Variants in AP2A2 observed in about 807,000 individuals in gnomAD.
The protein encoded by AP2A2 is adaptor related protein complex 2 subunit alpha 2.
In AP2A2, 32 loss-of-function variants were observed where a neutral mutation model predicts 104.2. That is an observed-to-expected ratio of 0.31 (90% CI 0.23 to 0.41). AP2A2 has a LOEUF of 0.41. Among genes scored for constraint, AP2A2 ranks in the 10% least tolerant of loss-of-function variants. The pLI, the probability that AP2A2 is intolerant of heterozygous loss-of-function variation, is 1.00. For missense variants in AP2A2, 912 were observed against 1,261.0 expected (o/e 0.72, Z 4.19); for synonymous variants, 539 against 533.3 (o/e 1.01, Z -0.15).
chr11:928,227 G>A (rs1853180156), intron 1 of AP2A2, among the ~76,000 whole-genome samples: 1 of 152,196 alleles, frequency 6.6e-6, no homozygotes, highest in African/African-American at 2.4e-5. Flanking sequence ...AAATAGGTGA[G>A]CATAGTACAA....
At position 992,295 on chromosome 11, in the gene AP2A2, C is replaced by T. The variant is rs535153905; in HGVS notation, c.1270-208C>T. Among the ~76,000 whole-genome samples the T allele has an allele frequency of 1.3e-5, 2 of 152,224 alleles. No homozygotes were observed. Reference sequence around the variant, plus strand: ...TCTGTGCACTGGTCTCCGCCTCTTCCTGGCTTTCTTTGCTTAAGTCAGGGC... The same window carrying T: ...TCTGTGCACTGGTCTCCGCCTCTTCTTGGCTTTCTTTGCTTAAGTCAGGGC... On this transcript the variant is annotated intron_variant, in intron 10 of 21. Transcript: ENST00000448903. This position sits in a 1 kb window ranked among gnomAD's most constrained non-coding sequence, Gnocchi z 6.4.
chr11:998,250 T>C (rs1374614404), intron 14 of AP2A2, among the ~76,000 whole-genome samples: 1 of 152,052 alleles, frequency 6.6e-6, no homozygotes, highest in Non-Finnish European at 1.5e-5. Context: ...CTTGCAGAGG[T>C]GCTCCGTCAC....
intron 2 of AP2A2, among the ~76,000 whole-genome samples, chr11:963,721 C>G (rs1358228018): frequency 6.6e-6 from 1 of 152,218 alleles, no homozygotes; most frequent in Non-Finnish European, 1.5e-5. Context: ...CCCCCGGGCT[C>G]AAGCCATCCT....
intron 5 of AP2A2, among the ~76,000 whole-genome samples, chr11:979,072 C>G (rs988555311): frequency 6.6e-6 from 1 of 152,052 alleles, no homozygotes; most frequent in African/African-American, 2.4e-5. Context: ...TGAGGAGACA[C>G]GGAGGTCGCT....
chr11:976,453 G>A (rs973331121), intron 4 of AP2A2, among the ~76,000 whole-genome samples: 4 of 152,222 alleles, frequency 2.6e-5, no homozygotes, highest in South Asian at 2.1e-4. Flanking sequence ...CCTCCACAGC[G>A]TCCACCCCAG....
At chr11:941,840 G>C (rs1445307174) in intron 1 of AP2A2, among the ~76,000 whole-genome samples, 2 of 152,110 alleles carry the variant, frequency 1.3e-5, no homozygotes, top group East Asian at 3.8e-4. Flanking sequence ...GGTGGCCTTG[G>C]CCTCCCAAAG....
At chr11:981,843 C>T (rs1347833182) in intron 6 of AP2A2, among the ~76,000 whole-genome samples, 1 of 152,260 alleles carries the variant, frequency 6.6e-6, no homozygotes, top group African/African-American at 2.4e-5. Flanking sequence ...CATGAGCAGT[C>T]TTGGATGTCC....
At chr11:1,008,175 G>A (rs1323148287) in intron 18 of AP2A2, 40 bp downstream of exon 18, 4 of 1,560,994 alleles carry the variant, frequency 2.6e-6, no homozygotes, top group Admixed American at 1.8e-5. Flanking sequence ...GGGGTGTGTG[G>A]GCGCCTGAGC....
At chr11:980,075 T>C in intron 5 of AP2A2, among the ~76,000 whole-genome samples, 1 of 126,242 alleles carries the variant, frequency 7.9e-6, no homozygotes, top group African/African-American at 3.1e-5. Context: ...GGCTGCCCGG[T>C]GCCGTGTCCT....
intron 10 of AP2A2, chr11:988,970 G>T: frequency 2.1e-6 from 1 of 466,912 alleles, no homozygotes; most frequent in Non-Finnish European, 3.9e-6. Context: ...ACTCTAGCCT[G>T]GGCAACACAG....
intron 1 of AP2A2, among the ~76,000 whole-genome samples, chr11:934,708 T>G (rs1000211513): frequency 6.6e-6 from 1 of 152,112 alleles, no homozygotes; most frequent in African/African-American, 2.4e-5. Flanking sequence ...AGCACAAGGG[T>G]GTAATGAGGA....
At chr11:975,990 G>A (rs1470586781) in intron 4 of AP2A2, among the ~76,000 whole-genome samples, 1 of 152,210 alleles carries the variant, frequency 6.6e-6, no homozygotes, top group African/African-American at 2.4e-5. Flanking sequence ...CTCGTGTGTC[G>A]GCATTTGTAG....
chr11:988,822 T>A, intron 10 of AP2A2, 133 bp downstream of exon 10: 1 of 1,181,486 alleles, frequency 8.5e-7, no homozygotes, highest in Non-Finnish European at 1.2e-6. Context: ...ACAAGGCTCC[T>A]CTGCCTCTGT....
rs1469877571 is a variant in AP2A2, at chr11:991,709, G to C, written c.1270-794G>C. On this transcript the variant is annotated intron_variant, in intron 10 of 21. Coordinates refer to ENST00000448903, the MANE Select transcript of AP2A2 (RefSeq NM_012305.4). The stretch of plus-strand genomic sequence containing the variant: ...CAGGCTCCAGGCAGGGACTTGGGGT[G>C]GGGGGGCACAGTCACCAGCACCTGA... Among the ~76,000 whole-genome samples the C allele has an allele frequency of 2.0e-5, 3 of 151,688 alleles. No individual in the cohort carries two copies. The East Asian group carries it at 5.8e-4, about 30-fold the overall frequency.
chr11:1,006,405 CAT>C, intron 16 of AP2A2, 121 bp from the exon 17 acceptor site: 1 of 718,078 alleles, frequency 1.4e-6, no homozygotes. Context: ...TAACAACAGT[CAT>C]ACATCACAAC....
At chr11:974,713 A>G (rs1854961092) in intron 4 of AP2A2, among the ~76,000 whole-genome samples, 1 of 144,124 alleles carries the variant, frequency 6.9e-6, no homozygotes, top group East Asian at 2.0e-4. Flanking sequence ...AAAGCTGGGC[A>G]TGGTGGCTCA....
At chr11:931,758 C>T (rs1310309046) in intron 1 of AP2A2, among the ~76,000 whole-genome samples, 1 of 150,704 alleles carries the variant, frequency 6.6e-6, no homozygotes, top group Non-Finnish European at 1.5e-5. Context: ...TATCAGTGCT[C>T]TGCTCATTGT....
At chr11:985,633 C>A in intron 8 of AP2A2, 51 bp downstream of exon 8, 2 of 1,610,158 alleles carry the variant, frequency 1.2e-6, no homozygotes, top group Admixed American at 1.7e-5. Context: ...CACACACGTT[C>A]CTTCTCGTTG....
At chr11:991,056 G>A (rs1031641892) in intron 10 of AP2A2, among the ~76,000 whole-genome samples, 4 of 137,278 alleles carry the variant, frequency 2.9e-5, no homozygotes, top group African/African-American at 8.4e-5. Flanking sequence ...CCCCCACCCC[G>A]TCCTTTCAGC....
Sources: gnomAD v4.1 joint callset for allele counts (sites outside exome capture counted in the v4.1 genomes callset) on GRCh38, gnomAD v4.1.1 for gene constraint, Gnocchi (gnomAD v3.1) non-coding constraint, MANE v1.5 for transcripts, NCBI Gene and HGNC (gene_info 2026-07-23, HGNC 2026-07-21) for gene names.